Variants in PTPRD observed in about 807,000 individuals in gnomAD.
PTPRD encodes the protein protein tyrosine phosphatase receptor type D.
Under a neutral mutation model 214.5 loss-of-function variants are expected in PTPRD, and 34 were observed. The ratio of observed to expected loss-of-function variants is 0.16; its 90% CI spans 0.12 to 0.21. The LOEUF is 0.21. Ranked by LOEUF, PTPRD falls within the 10% of genes least tolerant of loss-of-function variation. The pLI is 1.00. For synonymous variants in PTPRD, 1,128 were observed against 845.7 expected, an observed-to-expected ratio of 1.33 and a Z score of -5.79; for missense variants, 2,545 against 2,398.7, an observed-to-expected ratio of 1.06 and a Z score of -1.27.
chr9:9,621,740 G>T (rs189870515), intron 7 of PTPRD, among the ~76,000 whole-genome samples: 3 of 152,084 alleles, frequency 2.0e-5, no homozygotes, highest in African/African-American at 7.2e-5. Context: ...AGTGGAGCAC[G>T]CCTGGGCTGG....
intron 21 of PTPRD, among the ~76,000 whole-genome samples, chr9:8,516,697 C>G (rs962665023): frequency 2.4e-4 from 36 of 151,774 alleles, no homozygotes; most frequent in African/African-American, 8.7e-4. Context: ...TCAAAACAAG[C>G]CAACAGCATG....
chr9:10,599,043 T>G (rs2077333344), intron 2 of PTPRD, among the ~76,000 whole-genome samples: 1 of 151,730 alleles, frequency 6.6e-6, no homozygotes, highest in Admixed American at 6.6e-5. Context: ...CAACTGGGTA[T>G]GACCACTTAT....
intron 5 of PTPRD, among the ~76,000 whole-genome samples, chr9:9,892,577 G>C (rs1436604439): frequency 6.6e-6 from 1 of 152,064 alleles, no homozygotes. Context: ...ATTGGAACTA[G>C]TAAGATGAAA....
At chr9:8,965,381 G>GA (rs34169157) in intron 11 of PTPRD, among the ~76,000 whole-genome samples, 33,064 of 126,628 alleles carry the variant, frequency 0.26, 4,160 homozygotes, top group African/African-American at 0.36. Context: ...CTCTGCTTCA[G>GA]AAAAAAAAAA....
chr9:8,663,117 C>G (rs572543747), intron 12 of PTPRD, among the ~76,000 whole-genome samples: 1 of 152,080 alleles, frequency 6.6e-6, no homozygotes, highest in Admixed American at 6.5e-5. Flanking sequence ...TGGAATTGAG[C>G]TTTTGAAACT....
intron 8 of PTPRD, among the ~76,000 whole-genome samples, chr9:9,517,935 G>C (rs774221069): frequency 1.3e-5 from 2 of 151,398 alleles, no homozygotes; most frequent in Non-Finnish European, 2.9e-5. Flanking sequence ...TGTATATGCA[G>C]AAATATACTT....
chr9:9,080,452 C>T (rs1363261548), intron 10 of PTPRD, among the ~76,000 whole-genome samples: 2 of 152,208 alleles, frequency 1.3e-5, no homozygotes, highest in East Asian at 3.9e-4. Context: ...AAGCACTTTA[C>T]TTGAATAGAC....
chr9:10,221,785 G>GGT (rs1564615689), intron 3 of PTPRD, among the ~76,000 whole-genome samples: 1 of 148,208 alleles, frequency 6.7e-6, no homozygotes, highest in African/African-American at 2.5e-5. Context: ...CTAAAAAACT[G>GGT]TTTTTTTTTT....
chr9:10,511,518 C>G (rs187091314), intron 2 of PTPRD, among the ~76,000 whole-genome samples: 3 of 151,602 alleles, frequency 2.0e-5, no homozygotes, highest in African/African-American at 7.3e-5. Context: ...ATTACCCTGC[C>G]TCAGCCTCCT....
chr9:10,085,724 T>C (rs2154193526), intron 3 of PTPRD, among the ~76,000 whole-genome samples: 1 of 151,874 alleles, frequency 6.6e-6, no homozygotes, highest in South Asian at 2.1e-4. Context: ...AAGGCAAAGA[T>C]GGCTATTTGC....
intron 3 of PTPRD, among the ~76,000 whole-genome samples, chr9:10,164,308 A>T (rs2154291690): frequency 6.6e-6 from 1 of 151,704 alleles, no homozygotes; most frequent in East Asian, 1.9e-4. Context: ...TACAAATGAC[A>T]ACAATTTATT....
At chr9:9,627,112 G>A (rs1013382198) in intron 7 of PTPRD, among the ~76,000 whole-genome samples, 2 of 152,112 alleles carry the variant, frequency 1.3e-5, no homozygotes, top group African/African-American at 2.4e-5. Context: ...TCAGGAGTTC[G>A]AGACCAGCCT....
At chr9:10,106,672 G>A (rs2098636318) in intron 3 of PTPRD, among the ~76,000 whole-genome samples, 1 of 151,728 alleles carries the variant, frequency 6.6e-6, no homozygotes, top group Non-Finnish European at 1.5e-5. Flanking sequence ...GACAAGAAAT[G>A]TTGAGATGTA....
intron 9 of PTPRD, among the ~76,000 whole-genome samples, chr9:9,319,326 G>T (rs1336759995): frequency 6.6e-6 from 1 of 152,076 alleles, no homozygotes. Flanking sequence ...TCAAGTGAGG[G>T]GTTGAATGTT....
At chr9:8,603,637 G>C (rs901263290) in intron 14 of PTPRD, among the ~76,000 whole-genome samples, 1 of 152,100 alleles carries the variant, frequency 6.6e-6, no homozygotes, top group East Asian at 1.9e-4. Flanking sequence ...GCAGTTAGAC[G>C]ATTAATCAAC....
chr9:10,462,582 A>T (rs541329954), intron 2 of PTPRD, among the ~76,000 whole-genome samples: 50 of 152,284 alleles, frequency 3.3e-4, no homozygotes, highest in African/African-American at 1.1e-3. Context: ...TCTTGGGGGA[A>T]ATGAGGTATC....
intron 9 of PTPRD, among the ~76,000 whole-genome samples, chr9:9,324,765 C>G (rs950107412): frequency 3.3e-5 from 5 of 152,062 alleles, no homozygotes; most frequent in Admixed American, 2.0e-4. Flanking sequence ...AAGTCCTTGC[C>G]CATGCCTATG....
chr9:10,060,253 T>C (rs2097733846), intron 3 of PTPRD, among the ~76,000 whole-genome samples: 1 of 152,170 alleles, frequency 6.6e-6, no homozygotes, highest in Admixed American at 6.6e-5. Flanking sequence ...TGAAGGTTTA[T>C]TGGTTAAAAG....
At chr9:10,361,005 G>C (rs572154320) in intron 2 of PTPRD, among the ~76,000 whole-genome samples, 1 of 152,228 alleles carries the variant, frequency 6.6e-6, no homozygotes, top group South Asian at 2.1e-4. Context: ...GGGAGGCTGA[G>C]GCAGGAGAAT....
Sources: gnomAD v4.1 joint callset for allele counts (sites outside exome capture counted in the v4.1 genomes callset) on GRCh38, gnomAD v4.1.1 for gene constraint, MANE v1.5 for transcripts, NCBI Gene and HGNC (gene_info 2026-07-23, HGNC 2026-07-21) for gene names.